ZNF546: variants seen among roughly 807,000 people sequenced by gnomAD.
ZNF546 encodes zinc finger protein 546, also known as CTC-471F3.6.
In ZNF546, 60 loss-of-function variants were observed where a neutral mutation model predicts 76.2. That is an observed-to-expected ratio of 0.79 (90% CI 0.64 to 0.98). The LOEUF is 0.98. ZNF546 is among the 50% of genes least tolerant of loss of function. The probability of loss-of-function intolerance (pLI) is 0.00; values close to 1 mark genes in which losing one functional copy is unlikely to be tolerated. For synonymous variants in ZNF546, 277 were observed against 328.1 expected (o/e 0.84, Z 1.68); for missense variants, 936 against 1,035.6 (o/e 0.90, Z 1.32).
chr19:40,004,085 CTA>C (rs1403218537), intron 3 of ZNF546, among the ~76,000 whole-genome samples: 1 of 134,462 alleles, frequency 7.4e-6, no homozygotes, highest in Non-Finnish European at 1.5e-5. Context: ...ATATATATAA[CTA>C]TATTAATATA....
At chr19:40,001,887 A>G (rs942566405) in intron 3 of ZNF546, among the ~76,000 whole-genome samples, 2 of 152,334 alleles carry the variant, frequency 1.3e-5, no homozygotes, top group South Asian at 4.1e-4. Context: ...AATACTGGCT[A>G]ACTTTTATTA....
At chr19:40,003,356 C>T (rs1227114543) in intron 3 of ZNF546, among the ~76,000 whole-genome samples, 2 of 152,046 alleles carry the variant, frequency 1.3e-5, no homozygotes, top group Non-Finnish European at 2.9e-5. Flanking sequence ...ATTTAAATAA[C>T]CATATTTGTA....
At chr19:39,998,983 C>T (rs1031193718) in intron 3 of ZNF546, among the ~76,000 whole-genome samples, 24 of 152,050 alleles carry the variant, frequency 1.6e-4, no homozygotes, top group African/African-American at 3.9e-4. Context: ...ACGTTGGCCA[C>T]GCTGGTCTGG....
chr19:40,004,357 T>G (rs1463510313), intron 3 of ZNF546, among the ~76,000 whole-genome samples: 1 of 152,010 alleles, frequency 6.6e-6, no homozygotes, highest in Non-Finnish European at 1.5e-5. Flanking sequence ...AACCTCCACC[T>G]CCTGGGTTCA....
chr19:40,010,785 C>T (rs886959622), intron 6 of ZNF546, among the ~76,000 whole-genome samples: 2 of 152,076 alleles, frequency 1.3e-5, no homozygotes, highest in African/African-American at 2.4e-5. Context: ...TGGGTACAAG[C>T]AATTCTCCTG....
chr19:40,019,342 T>C lies in ZNF546; in HGVS notation c.*3561T>C, dbSNP rs1317826752. The C allele has an allele frequency of 2.0e-5, 3 of 151,950 alleles. No homozygotes were observed. Among genetic ancestry groups the C allele is most frequent in the African/African-American group, 7.3e-5 (3 of 41,342 alleles). 9.4% of individuals were successfully genotyped at this position (151,950 alleles called of 1,614,324 possible). ...ACATAGTAATCACTTATAAAACTGT[T>C]AAAAGAATGAAGAAGCATTAAACTC... On this transcript the variant is annotated 3_prime_UTR_variant, in exon 7 of 7. Coordinates refer to ENST00000347077, the MANE Select transcript of ZNF546 (RefSeq NM_178544.5).
chr19:40,013,932 A>G lies in ZNF546; in HGVS notation c.662A>G (p.Glu221Gly). 6.2e-7 allele frequency: 1 copy of G among 1,610,586 alleles called. No individual in the cohort carries two copies. The highest frequency in any genetic ancestry group is 8.5e-7 in the Non-Finnish European group (1 of 1,178,266). ...AGAGAGAAATCATATGAATGTAAGGAATGTAGAAAGGCCTTTAGACAACAG... is the reference window on the plus strand; with the variant it reads ...AGAGAGAAATCATATGAATGTAAGGGATGTAGAAAGGCCTTTAGACAACAG... ...HAREKSYECKECRKAFRQQSY... is the reference protein window; with the variant it reads ...HAREKSYECKGCRKAFRQQSY... Residue 221 changes from glutamate to glycine, a missense_variant, in exon 7 of 7, where the codon GAA becomes GGA. By Grantham distance (98) the Glu-to-Gly change is moderately conservative. Coordinates refer to ENST00000347077, the MANE Select transcript of ZNF546 (RefSeq NM_178544.5).
chr19:40,012,416 T>G (rs573211368), intron 6 of ZNF546, among the ~76,000 whole-genome samples: 39 of 152,328 alleles, frequency 2.6e-4, no homozygotes, highest in African/African-American at 9.4e-4. Context: ...ATCAGGGAGA[T>G]ATATTCATAA....
chr19:40,001,876 T>C, intron 3 of ZNF546, among the ~76,000 whole-genome samples: 1 of 152,356 alleles, frequency 6.6e-6, no homozygotes, highest in Non-Finnish European at 1.5e-5. Flanking sequence ...TCTATTTTAA[T>C]AATACTGGCT....
rs543089995 is a variant in ZNF546 at position 40,020,947 on chromosome 19, G to A, written c.*5166G>A. 11 of 152,088 alleles carry A rather than the reference G, an allele frequency of 7.2e-5. No homozygotes were observed. In the East Asian group the frequency reaches 7.7e-4, roughly 11 times the overall value. 9.4% of individuals were successfully genotyped at this position (152,088 alleles called of 1,614,324 possible). A position where few individuals can be genotyped will look rare whatever the true frequency, so the allele number is the denominator to read the frequency against. ...GGATGGCTCAATTTTTTATTTGAAC[G>A]TACTATAATGAATTTAAACTTTCAT... On this transcript the variant is annotated 3_prime_UTR_variant, in exon 7 of 7. Transcript: ENST00000347077.
At position 40,019,808 on chromosome 19, in the gene ZNF546, T is replaced by C. The variant is rs1385232871; in HGVS notation, c.*4027T>C. The C allele has an allele frequency of 6.6e-6, 1 of 152,206 alleles. No individual in the cohort carries two copies. Among genetic ancestry groups the C allele is most frequent in the Non-Finnish European group, 1.5e-5 (1 of 68,034 alleles). 9.4% of individuals were successfully genotyped at this position (152,206 alleles called of 1,614,324 possible). On this transcript the variant is annotated 3_prime_UTR_variant, in exon 7 of 7. Coordinates refer to ENST00000347077, the MANE Select transcript of ZNF546 (RefSeq NM_178544.5). Reference sequence around the variant, plus strand: ...CTTGGACTGTCCAGGGATAGATCTGTTCTAGTTTTCCAAATTAATGATGGG... The same window carrying C: ...CTTGGACTGTCCAGGGATAGATCTGCTCTAGTTTTCCAAATTAATGATGGG...
At position 40,019,591 on chromosome 19, in the gene ZNF546, A is replaced by G. The variant is rs1041238283; in HGVS notation, c.*3810A>G. 3 of 152,186 alleles carry G rather than the reference A, an allele frequency of 2.0e-5. No individual in the cohort carries two copies. Among genetic ancestry groups the G allele is most frequent in the Non-Finnish European group, 4.4e-5 (3 of 68,006 alleles). 9.4% of individuals were successfully genotyped at this position (152,186 alleles called of 1,614,324 possible). A position where few individuals can be genotyped will look rare whatever the true frequency, so the allele number is the denominator to read the frequency against. On this transcript the variant is annotated 3_prime_UTR_variant, in exon 7 of 7. Transcript: ENST00000347077. Reference sequence around the variant, plus strand: ...TATTTTTTGTTTTATTGAAAATTTCAAGGAGGAAGTAATATCAAAATTTCA... The same window carrying G: ...TATTTTTTGTTTTATTGAAAATTTCGAGGAGGAAGTAATATCAAAATTTCA...
Position 40,019,031 on chromosome 19 carries a change from G to T in ZNF546, c.*3250G>T, listed in dbSNP as rs1300374636. 1 of 152,178 alleles carries T rather than the reference G, an allele frequency of 6.6e-6. No homozygotes were observed. Among genetic ancestry groups the T allele is most frequent in the East Asian group, 1.9e-4 (1 of 5,208 alleles). The allele number at this position is 152,178 out of a possible 1,614,324, so 9.4% of individuals were successfully genotyped here. On this transcript the variant is annotated 3_prime_UTR_variant, in exon 7 of 7. Transcript: ENST00000347077. ...AATCACCAGGTTTCTCTGTTGTAGAGCTAAATATTTCTTTTAATTTAGTAA... is the reference window on the plus strand; with the variant it reads ...AATCACCAGGTTTCTCTGTTGTAGATCTAAATATTTCTTTTAATTTAGTAA...
At chr19:40,001,418 T>C (rs1971528463) in intron 3 of ZNF546, among the ~76,000 whole-genome samples, 1 of 151,952 alleles carries the variant, frequency 6.6e-6, no homozygotes, top group South Asian at 2.1e-4. Flanking sequence ...GCTGGAGTGC[T>C]GTGGCTCAAT....
Position 40,015,688 on chromosome 19 carries a change from A to G in ZNF546, c.2418A>G (p.Gln806=), listed in dbSNP as rs1386768796. 6.2e-7 allele frequency: 1 copy of G among 1,614,202 alleles called. No individual in the cohort carries two copies. The change falls in exon 7 of 7, where the codon CAA becomes CAG. Residue 806 remains glutamine (Q), a synonymous_variant. Coordinates refer to ENST00000347077, the MANE Select transcript of ZNF546 (RefSeq NM_178544.5). The part of the protein sequence containing the change: ...HRIHTGEKPY[Q]CKECGKAFIR... ...TTCATACTGGTGAAAAACCCTATCAATGTAAAGAATGTGGAAAAGCCTTTA... is the reference window on the plus strand; with the variant it reads ...TTCATACTGGTGAAAAACCCTATCAGTGTAAAGAATGTGGAAAAGCCTTTA...
chr19:40,007,545 G>C (rs933520617), intron 5 of ZNF546, 145 bp downstream of exon 5: 17 of 825,478 alleles, frequency 2.1e-5, no homozygotes, highest in Non-Finnish European at 2.5e-5. Context: ...GGTGGAAATG[G>C]GCACCTGTGT....
At chr19:40,004,017 A>AT (rs113382358) in intron 3 of ZNF546, among the ~76,000 whole-genome samples, 23,833 of 145,128 alleles carry the variant, frequency 0.16, 4,546 homozygotes, top group African/African-American at 0.46. Flanking sequence ...ATCTCAAAAA[A>AT]ATATATATAT....
chr19:40,007,513 G>C, intron 5 of ZNF546, 113 bp downstream of exon 5: 1 of 1,176,870 alleles, frequency 8.5e-7, no homozygotes, highest in Non-Finnish European at 1.1e-6. Flanking sequence ...TATTTCTAAA[G>C]TCATAGTTTC....
intron 3 of ZNF546, among the ~76,000 whole-genome samples, chr19:40,004,011 C>CAA (rs1274197406): frequency 2.5e-5 from 3 of 120,046 alleles, no homozygotes; most frequent in East Asian, 2.4e-4. Context: ...GACTCTATCT[C>CAA]AAAAAAATAT....
Sources: gnomAD v4.1 joint callset for allele counts (sites outside exome capture counted in the v4.1 genomes callset) on GRCh38, gnomAD v4.1.1 for gene constraint, MANE v1.5 for transcripts, NCBI Gene and HGNC (gene_info 2026-07-23, HGNC 2026-07-21) for gene names.